TXLNB: variants seen among roughly 807,000 people sequenced by gnomAD.
The protein encoded by TXLNB is beta-taxilin.
In TXLNB, 37 loss-of-function variants were observed where a neutral mutation model predicts 57.4. The observed-to-expected ratio is 0.64, with a 90% CI of 0.50 to 0.85. The LOEUF is 0.85. Ranked by LOEUF, TXLNB falls within the 40% of genes least tolerant of loss-of-function variation. The probability of loss-of-function intolerance (pLI) is 0.00; values close to 1 mark genes in which losing one functional copy is unlikely to be tolerated. For missense variants in TXLNB, 848 were observed against 825.6 expected, an observed-to-expected ratio of 1.03 and a Z score of -0.33; for synonymous variants, 302 against 309.6, an observed-to-expected ratio of 0.98 and a Z score of 0.26.
intron 6 of TXLNB, among the ~76,000 whole-genome samples, chr6:139,258,204 C>T (rs1010822583): frequency 4.6e-5 from 7 of 152,216 alleles, no homozygotes; most frequent in African/African-American, 1.7e-4. Flanking sequence ...TGAGCTCCCT[C>T]TCTTTGACTC....
At chr6:139,216,821 T>C in the TXLNB span, among the ~76,000 whole-genome samples, 2 of 152,084 alleles carry the variant, frequency 1.3e-5, no homozygotes, top group Admixed American at 6.6e-5. Flanking sequence ...GCTATGAGGA[T>C]GCAAAGGCAT....
At chr6:139,266,026 T>C (rs935399694) in intron 4 of TXLNB, among the ~76,000 whole-genome samples, 2 of 152,162 alleles carry the variant, frequency 1.3e-5, no homozygotes, top group Non-Finnish European at 2.9e-5. Flanking sequence ...TCTAGCTAAG[T>C]AGAAAAGAAC....
Position 139,242,795 on chromosome 6 carries a change from C to A in TXLNB, c.1786G>T (p.Gly596Ter). The A allele has an allele frequency of 6.2e-7, 1 of 1,614,128 alleles. No homozygotes were observed. The change falls in exon 10 of 10, where the codon GGA becomes TGA. Residue 596 changes from glycine (G) to a stop codon, truncating the protein, a stop_gained. Coordinates refer to ENST00000358430, the MANE Select transcript of TXLNB (RefSeq NM_153235.4). LOFTEE classifies it low-confidence loss of function (END_TRUNC). ...AETQCEGLPV[G>*]AQADQASWKP... ...CAGGACGCCTGATCAGCCTGTGCTC[C>A]AACAGGGAGACCCTCGCATTGGGTT...
chr6:139,186,895 TC>T, the TXLNB span, among the ~76,000 whole-genome samples: 5 of 152,252 alleles, frequency 3.3e-5, no homozygotes, highest in East Asian at 7.7e-4. Context: ...TATGTAAAGC[TC>T]TAGAAGATGC....
chr6:139,226,533 A>T, the TXLNB span, among the ~76,000 whole-genome samples: 96 of 152,302 alleles, frequency 6.3e-4, no homozygotes, highest in African/African-American at 2.3e-3. Context: ...AGCAGAACTG[A>T]TTTGTAATTG....
chr6:139,184,395 G>A, the TXLNB span, among the ~76,000 whole-genome samples: 1 of 152,202 alleles, frequency 6.6e-6, no homozygotes, highest in African/African-American at 2.4e-5. Flanking sequence ...GCCTAGCTGG[G>A]CCCTCTGCAT....
intron 2 of TXLNB, among the ~76,000 whole-genome samples, chr6:139,280,272 A>AAAG (rs1777013365): frequency 2.8e-5 from 4 of 145,354 alleles, no homozygotes; most frequent in East Asian, 2.0e-4. Flanking sequence ...AAAAAAAAAA[A>AAAG]AAAGAAAGAA....
At chr6:139,222,059 A>T in the TXLNB span, among the ~76,000 whole-genome samples, 1 of 152,166 alleles carries the variant, frequency 6.6e-6, no homozygotes, top group African/African-American at 2.4e-5. Context: ...AATAAAAATA[A>T]ACATAAAACA....
chr6:139,276,688 T>C, intron 3 of TXLNB, 142 bp downstream of exon 3: 2 of 629,788 alleles, frequency 3.2e-6, no homozygotes, highest in South Asian at 4.0e-5. Context: ...GTGGGTCTCA[T>C]AATCTGCAGG....
the TXLNB span, among the ~76,000 whole-genome samples, chr6:139,218,758 A>AG: frequency 6.6e-6 from 1 of 152,188 alleles, no homozygotes; most frequent in Non-Finnish European, 1.5e-5. Flanking sequence ...TCTAAAAAAA[A>AG]AAGATTCCAT....
At chr6:139,183,667 T>C in the TXLNB span, 1 of 152,112 alleles carries the variant, frequency 6.6e-6, no homozygotes, top group African/African-American at 2.4e-5. Flanking sequence ...AAGAAAAAAA[T>C]AGCAACCTTT....
Position 139,240,763 on chromosome 6 carries a change from G to A in TXLNB, c.*1763C>T, listed in dbSNP as rs894776555. The stretch of plus-strand genomic sequence containing the variant: ...TAGCAACTTTGTTATTATCCTCACT[G>A]TCTACTTCAAACAAACTGTATGCAG... On this transcript the variant is annotated 3_prime_UTR_variant, in exon 10 of 10. Transcript: ENST00000358430. 7.9e-5 allele frequency: 12 copies of A among 152,352 alleles called. No homozygotes were observed. Among genetic ancestry groups the A allele is most frequent in the East Asian group, 7.7e-4 (4 of 5,196 alleles). 9.4% of individuals were successfully genotyped at this position (152,352 alleles called of 1,614,324 possible).
intron 2 of TXLNB, among the ~76,000 whole-genome samples, chr6:139,278,288 C>A (rs550261614): frequency 6.6e-6 from 1 of 152,252 alleles, no homozygotes; most frequent in African/African-American, 2.4e-5. Context: ...GCTAGAGAGA[C>A]CTAGAGAAAT....
At chr6:139,194,335 A>G in the TXLNB span, among the ~76,000 whole-genome samples, 39 of 152,346 alleles carry the variant, frequency 2.6e-4, no homozygotes, top group African/African-American at 9.1e-4. Flanking sequence ...AAGGGAGTGA[A>G]TGATTTTGAA....
chr6:139,172,779 C>T, the TXLNB span, among the ~76,000 whole-genome samples: 8 of 152,178 alleles, frequency 5.3e-5, no homozygotes, highest in Non-Finnish European at 1.0e-4. Flanking sequence ...GCAAGCTGCT[C>T]AGCTCTGTAA....
chr6:139,161,399 G>C, the TXLNB span, among the ~76,000 whole-genome samples: 1 of 152,130 alleles, frequency 6.6e-6, no homozygotes, highest in Non-Finnish European at 1.5e-5. Context: ...CTTCATACAA[G>C]GAAGAGGTTT....
At chr6:139,173,686 C>T in the TXLNB span, among the ~76,000 whole-genome samples, 1 of 152,180 alleles carries the variant, frequency 6.6e-6, no homozygotes, top group Non-Finnish European at 1.5e-5. Context: ...AACTGTGATG[C>T]TTCCATATAC....
chr6:139,255,709 T>G, intron 6 of TXLNB, 71 bp from the exon 7 acceptor site: 1 of 1,254,960 alleles, frequency 8.0e-7, no homozygotes, highest in Non-Finnish European at 1.1e-6. Context: ...CTGTAATTTG[T>G]CTACAAAACT....
the TXLNB span, among the ~76,000 whole-genome samples, chr6:139,212,309 G>C: frequency 6.6e-6 from 1 of 152,084 alleles, no homozygotes; most frequent in African/African-American, 2.4e-5. Flanking sequence ...CCAGAAGAGA[G>C]TGGGGGCCAA....
Sources: gnomAD v4.1 joint callset for allele counts (sites outside exome capture counted in the v4.1 genomes callset) on GRCh38, gnomAD v4.1.1 for gene constraint, MANE v1.5 for transcripts, NCBI Gene and HGNC (gene_info 2026-07-23, HGNC 2026-07-21) for gene names.